The following P4HA1 variants were observed in gnomAD, a reference collection of about 807,000 sequenced individuals.
P4HA1 encodes the protein prolyl 4-hydroxylase subunit alpha 1.
Under a neutral mutation model 72.8 loss-of-function variants are expected in P4HA1, and 24 were observed. That is an observed-to-expected ratio of 0.33 (90% CI 0.24 to 0.46). The LOEUF (loss-of-function observed/expected upper bound fraction) is 0.46. Ranked by LOEUF, P4HA1 falls within the 20% of genes least tolerant of loss-of-function variation. The pLI is 1.00. For missense variants in P4HA1, 446 were observed against 640.6 expected, an observed-to-expected ratio of 0.70 and a Z score of 3.28; for synonymous variants, 201 against 218.8, an observed-to-expected ratio of 0.92 and a Z score of 0.72.
rs1361469099 is a variant in P4HA1, at chr10:73,051,120, AC to A, written c.832del (p.Val278LeufsTer23). Reference sequence around the variant, plus strand: ...TCTCTCTGGCAGGTAATCCACAGCAACCCCTTTTTTCTTTGGTGTAGTTTTC... The same window carrying A: ...TCTCTCTGGCAGGTAATCCACAGCAACCCTTTTTTCTTTGGTGTAGTTTTC... ...DQKTTPKKKG[V>X]AVDYLPERQK... On this transcript the variant is annotated frameshift_variant, in exon 7 of 15. Transcript: ENST00000394890. LOFTEE classifies it high-confidence loss of function. The A allele has an allele frequency of 1.2e-6, 2 of 1,613,752 alleles. No homozygotes were observed. The highest frequency in any genetic ancestry group is 3.3e-5 in the Admixed American group (2 of 59,972).
At chr10:73,093,671 G>A (rs1190574536) in intron 1 of P4HA1, among the ~76,000 whole-genome samples, 3 of 150,242 alleles carry the variant, frequency 2.0e-5, no homozygotes, top group Middle Eastern at 3.4e-3. Context: ...GTGTAACCCC[G>A]TCTCTACTAA....
chr10:73,070,142 CTTTTTT>C lies in P4HA1; in HGVS notation c.326-1165_326-1160del, dbSNP rs71021546. 9.2e-3 allele frequency among the ~76,000 whole-genome samples: 591 copies of C among 64,224 alleles called. 3 individuals are homozygous for C. The highest frequency in any genetic ancestry group is 0.035 in the African/African-American group (551 of 15,546). The allele number at this position is 64,224 out of a possible 152,430, so 42.1% of individuals were successfully genotyped here. ...TATTTTGAACAGCAAGAGACCAGGC[CTTTTTT>C]TTTTTTTTTTTTTTTTTTTTTTTTT... On this transcript the variant is annotated intron_variant, in intron 4 of 14. Transcript: ENST00000394890.
chr10:73,019,937 A>T (rs1840096786), intron 10 of P4HA1, among the ~76,000 whole-genome samples: 1 of 152,040 alleles, frequency 6.6e-6, no homozygotes, highest in Non-Finnish European at 1.5e-5. Context: ...TTTGTATTAC[A>T]GGAGTTCCAA....
intron 9 of P4HA1, among the ~76,000 whole-genome samples, chr10:73,043,091 A>G (rs1840774967): frequency 6.6e-6 from 1 of 152,190 alleles, no homozygotes; most frequent in Admixed American, 6.5e-5. Flanking sequence ...TAAAGATAGT[A>G]TCTTCTGGAT....
chr10:73,091,060 CAAAAAA>C (rs202009101), intron 1 of P4HA1, among the ~76,000 whole-genome samples: 4 of 49,296 alleles, frequency 8.1e-5, no homozygotes, highest in Non-Finnish European at 1.7e-4. Context: ...GAGTCCATCT[CAAAAAA>C]AAAAAAAAAA....
At chr10:73,067,640 G>T (rs1841458340) in intron 5 of P4HA1, among the ~76,000 whole-genome samples, 1 of 152,064 alleles carries the variant, frequency 6.6e-6, no homozygotes, top group African/African-American at 2.4e-5. Flanking sequence ...CTTTCTACAT[G>T]TTCCCTCTGT....
intron 7 of P4HA1, among the ~76,000 whole-genome samples, chr10:73,050,352 G>C (rs1766439652): frequency 6.6e-6 from 1 of 151,724 alleles, no homozygotes; most frequent in African/African-American, 2.4e-5. Context: ...CTAATAATTG[G>C]AACATATTAA....
intron 7 of P4HA1, among the ~76,000 whole-genome samples, chr10:73,049,816 A>G (rs980487418): frequency 6.6e-6 from 1 of 152,230 alleles, no homozygotes; most frequent in African/African-American, 2.4e-5. Context: ...TATTGTATAG[A>G]TGAATCTGTT....
At chr10:73,089,447 C>T (rs531666090) in intron 1 of P4HA1, among the ~76,000 whole-genome samples, 1 of 152,184 alleles carries the variant, frequency 6.6e-6, no homozygotes, top group Admixed American at 6.5e-5. Flanking sequence ...CCTATCACAT[C>T]TAGCTATTGC....
At chr10:73,023,027 C>T (rs1056740334) in intron 10 of P4HA1, among the ~76,000 whole-genome samples, 8 of 152,152 alleles carry the variant, frequency 5.3e-5, no homozygotes, top group Non-Finnish European at 7.4e-5. Flanking sequence ...GATTGGTGTA[C>T]ACCTGAAAGT....
chr10:73,084,117 G>T (rs1182575014), intron 1 of P4HA1, among the ~76,000 whole-genome samples: 1 of 152,098 alleles, frequency 6.6e-6, no homozygotes, highest in Non-Finnish European at 1.5e-5. Flanking sequence ...ACCTATTTTT[G>T]ATTTAAACAA....
intron 1 of P4HA1, among the ~76,000 whole-genome samples, chr10:73,093,858 A>ATAAAT (rs1842090486): frequency 1.5e-5 from 1 of 65,700 alleles, no homozygotes; most frequent in African/African-American, 8.0e-5. Context: ...AAAAAAAAAA[A>ATAAAT]AAAAAAAAAA....
chr10:73,062,709 C>T (rs1174954856), intron 5 of P4HA1, among the ~76,000 whole-genome samples: 4 of 152,140 alleles, frequency 2.6e-5, no homozygotes, highest in Non-Finnish European at 5.9e-5. Flanking sequence ...TTAGCTATAA[C>T]CTATCCAATG....
chr10:73,090,121 A>C (rs1841999582), intron 1 of P4HA1, among the ~76,000 whole-genome samples: 1 of 151,656 alleles, frequency 6.6e-6, no homozygotes, highest in Non-Finnish European at 1.5e-5. Flanking sequence ...GGTGTGAGCC[A>C]CTGCGCCTGG....
chr10:73,065,349 T>C (rs1400518092), intron 5 of P4HA1: 1 of 152,130 alleles, frequency 6.6e-6, no homozygotes, highest in Non-Finnish European at 1.5e-5. Context: ...ACAACACTGA[T>C]GTCAAAATGC....
In P4HA1 at chr10:73,007,973, T is replaced by G. The variant is rs1839830205; in HGVS notation, c.*249A>C. 1 of 272,320 alleles carries G rather than the reference T, an allele frequency of 3.7e-6. No individual in the cohort carries two copies. Among genetic ancestry groups the G allele is most frequent in the Non-Finnish European group, 6.2e-6 (1 of 160,816 alleles). 16.9% of individuals were successfully genotyped at this position (272,320 alleles called of 1,614,324 possible). A position where few individuals can be genotyped will look rare whatever the true frequency, so the allele number is the denominator to read the frequency against. On this transcript the variant is annotated 3_prime_UTR_variant, in exon 15 of 15. Transcript: ENST00000394890. ...TTCTTTAAATATAAAATTCCTCACT[T>G]TAAACTCTGCCTTGTCTTCTGTGAT...
Position 73,069,066 on chromosome 10 carries a change from A to C in P4HA1, c.326-83T>G, listed in dbSNP as rs1205695060. On this transcript the variant is annotated intron_variant, in intron 4 of 14. Coordinates refer to ENST00000394890, the MANE Select transcript of P4HA1 (RefSeq NM_001017962.3). Reference sequence around the variant, plus strand: ...AGAGACTTAATAAGGATTGTTCAAAATCTATTTTATTATTTTCTACCACAC... The same window carrying C: ...AGAGACTTAATAAGGATTGTTCAAACTCTATTTTATTATTTTCTACCACAC... 1.2e-5 allele frequency: 13 copies of C among 1,054,598 alleles called. No homozygotes were observed. In the African/African-American group the frequency reaches 2.1e-4, roughly 17 times the overall value. The allele number at this position is 1,054,598 out of a possible 1,614,324, so 65.3% of individuals were successfully genotyped here. A position where few individuals can be genotyped will look rare whatever the true frequency, so the allele number is the denominator to read the frequency against.
rs1305169142 is a variant in P4HA1, at chr10:73,014,362, A to T, written c.1303-73T>A. The T allele has an allele frequency of 2.9e-6, 3 of 1,051,526 alleles. No individual in the cohort carries two copies. The African/African-American group carries it at 4.7e-5, about 16-fold the overall frequency. 65.1% of individuals were successfully genotyped at this position (1,051,526 alleles called of 1,614,324 possible). A position where few individuals can be genotyped will look rare whatever the true frequency, so the allele number is the denominator to read the frequency against. ...ACAAATACTCTAGTGGCAACTAAAC[A>T]TCAGTAGTAATATCCTGAAGAATAT... On this transcript the variant is annotated intron_variant, in intron 11 of 14. Transcript: ENST00000394890.
intron 9 of P4HA1, among the ~76,000 whole-genome samples, chr10:73,037,525 C>CCATATATATATA (rs1840605546): frequency 2.9e-5 from 1 of 34,298 alleles, no homozygotes; most frequent in Non-Finnish European, 5.2e-5. Context: ...TCGAAAACCA[C>CCATATATATATA]TATATATATA....
Sources: gnomAD v4.1 joint callset for allele counts (sites outside exome capture counted in the v4.1 genomes callset) on GRCh38, gnomAD v4.1.1 for gene constraint, MANE v1.5 for transcripts, NCBI Gene and HGNC (gene_info 2026-07-23, HGNC 2026-07-21) for gene names.